MORN1: variants seen among roughly 807,000 people sequenced by gnomAD.
MORN1 encodes MORN repeat-containing protein 1.
MORN1 carries 67 observed loss-of-function variants against 61.9 expected under a neutral mutation model. The observed-to-expected ratio is 1.08, with a 90% CI of 0.89 to 1.33. The LOEUF (loss-of-function observed/expected upper bound fraction) is 1.33. Ranked by LOEUF, MORN1 falls within the 40% of genes most tolerant of loss-of-function variation. MORN1 has a pLI of 0.00. For missense variants in MORN1, 752 were observed against 691.2 expected, an observed-to-expected ratio of 1.09 and a Z score of -0.99; for synonymous variants, 301 against 292.0, an observed-to-expected ratio of 1.03 and a Z score of -0.31.
intron 4 of MORN1, chr1:2,386,241 G>A: frequency 3.3e-6 from 1 of 302,924 alleles, no homozygotes; most frequent in East Asian, 7.1e-5. Context: ...TGCTGCTGGG[G>A]TGAGGATGGG....
At chr1:2,331,907 G>T (rs1383066554) in intron 12 of MORN1, among the ~76,000 whole-genome samples, 1 of 115,756 alleles carries the variant, frequency 8.6e-6, no homozygotes, top group East Asian at 2.8e-4. Flanking sequence ...TCCCTCGTGC[G>T]CCTCTCCCGC....
chr1:2,350,068 A>T (rs1023176916), intron 10 of MORN1, among the ~76,000 whole-genome samples: 2 of 152,226 alleles, frequency 1.3e-5, no homozygotes, highest in Non-Finnish European at 2.9e-5. Flanking sequence ...TATTGGGCCC[A>T]GGCAGGCACC....
chr1:2,342,887 T>TTTTATTTTATTTTATTTTATTTTA (rs1557873836), intron 10 of MORN1, among the ~76,000 whole-genome samples: 146 of 113,212 alleles, frequency 1.3e-3, no homozygotes, highest in Admixed American at 2.0e-3. Context: ...TTTTATTTTA[T>TTTTATTTTATTTTATTTTATTTTA]TTTATTTTAT....
chr1:2,349,579 C>G (rs1178902663), intron 10 of MORN1, among the ~76,000 whole-genome samples: 1 of 152,180 alleles, frequency 6.6e-6, no homozygotes, highest in Admixed American at 6.5e-5. Flanking sequence ...ATTTATAGCA[C>G]AAACATTCCT....
chr1:2,323,799 C>T (rs977148715), intron 13 of MORN1: 89 of 985,222 alleles, frequency 9.0e-5, no homozygotes, highest in African/African-American at 1.0e-4. Flanking sequence ...CCAAGGCCTC[C>T]GAGTCCCCGT....
In MORN1 at chr1:2,372,033, A is replaced by G. The variant is rs1416330856; in HGVS notation, c.745+448T>C. 2 of 187,508 alleles carry G rather than the reference A, an allele frequency of 1.1e-5. No homozygotes were observed. The highest frequency in any genetic ancestry group is 2.3e-5 in the Non-Finnish European group (2 of 87,618). The allele number at this position is 187,508 out of a possible 1,614,324, so 11.6% of individuals were successfully genotyped here. On this transcript the variant is annotated intron_variant, in intron 8 of 13. Transcript: ENST00000378531. The surrounding 1 kb of genome is among the most constrained non-coding windows in gnomAD (Gnocchi z 5.4). ...AAACTTGTATACACATGTCCACAGC[A>G]GCACTATTCATAACAGCCCAAGGTA...
chr1:2,376,643 A>T (rs1344390677), intron 6 of MORN1: 1 of 152,114 alleles, frequency 6.6e-6, no homozygotes, highest in Non-Finnish European at 1.5e-5. Flanking sequence ...CGGCTCACGT[A>T]TGTGGCACGA....
chr1:2,322,938 G>C, intron 13 of MORN1: 2 of 985,416 alleles, frequency 2.0e-6, no homozygotes, highest in Non-Finnish European at 2.4e-6. Context: ...TCTAGCCCTG[G>C]GCCAGCTCTC....
At chr1:2,341,117 T>C (rs1641385668) in intron 10 of MORN1, among the ~76,000 whole-genome samples, 1 of 152,194 alleles carries the variant, frequency 6.6e-6, no homozygotes, top group Non-Finnish European at 1.5e-5. Flanking sequence ...TGGTGGCTCC[T>C]CCCGACGGAG....
At chr1:2,358,829 G>T in intron 8 of MORN1, 114 bp from the exon 9 acceptor site, 1 of 1,316,890 alleles carries the variant, frequency 7.6e-7, no homozygotes, top group Non-Finnish European at 1.0e-6. Flanking sequence ...GGCCACATTT[G>T]CCAGTGGCTG....
At chr1:2,378,688 T>C (rs1375198276) in intron 6 of MORN1, 2 of 341,414 alleles carry the variant, frequency 5.9e-6, no homozygotes, top group Non-Finnish European at 1.2e-5. Context: ...GACACTCTGA[T>C]GTGCACACAC....
At chr1:2,330,636 T>G (rs900620693) in intron 12 of MORN1, among the ~76,000 whole-genome samples, 2 of 152,164 alleles carry the variant, frequency 1.3e-5, no homozygotes, top group African/African-American at 4.8e-5. Context: ...ATCGCAGAAG[T>G]CTTAATTAAG....
Position 2,385,033 on chromosome 1 carries a change from C to T in MORN1, c.482G>A (p.Arg161Gln), listed in dbSNP as rs144538516. The T allele has an allele frequency of 2.3e-4, 372 of 1,599,228 alleles. 1 individual carries two copies. Among genetic ancestry groups the T allele is most frequent in the Non-Finnish European group, 1.3e-4 (158 of 1,174,490 alleles). ...CACCCCGTGTCCCTGACGCCGGTCC[C>T]GGACCCAGTCGCCGTCGTACTTGTC... ...NGDKYDGDWVRDRRQGHGVLR... is the reference protein window; with the variant it reads ...NGDKYDGDWVQDRRQGHGVLR... Residue 161 changes from arginine (R) to glutamine (Q), a missense_variant, in exon 6 of 14, where the codon CGG (arginine) becomes CAG (glutamine). Arg to Gln is a conservative substitution (Grantham distance 43, BLOSUM62 1). Transcript: ENST00000378531.
intron 10 of MORN1, among the ~76,000 whole-genome samples, chr1:2,342,231 G>A (rs1641410428): frequency 6.6e-6 from 1 of 152,174 alleles, no homozygotes; most frequent in African/African-American, 2.4e-5. Flanking sequence ...ATCTTTTTAC[G>A]GCGGACTCAA....
chr1:2,335,045 AG>A, intron 12 of MORN1, among the ~76,000 whole-genome samples: 1 of 152,212 alleles, frequency 6.6e-6, no homozygotes, highest in Non-Finnish European at 1.5e-5. Context: ...GCTGTTTTTT[AG>A]TCTCTGCTTC....
intron 10 of MORN1, among the ~76,000 whole-genome samples, chr1:2,345,829 C>CACACACACACACACA (rs1641501048): frequency 6.7e-6 from 1 of 148,988 alleles, no homozygotes; most frequent in African/African-American, 2.5e-5. Flanking sequence ...ATGTATGCGG[C>CACACACACACACACA]CACACACACA....
At chr1:2,355,222 C>T (rs940857435) in intron 10 of MORN1, 20 of 1,370,592 alleles carry the variant, frequency 1.5e-5, no homozygotes, top group Middle Eastern at 5.5e-4. Context: ...TCCACCTATG[C>T]GGTGTGGAAC....
intron 12 of MORN1, among the ~76,000 whole-genome samples, chr1:2,328,608 C>T (rs889761664): frequency 6.6e-6 from 1 of 152,224 alleles, no homozygotes; most frequent in Non-Finnish European, 1.5e-5. Flanking sequence ...TTTCTGCAGC[C>T]CCGGGAGCCC....
chr1:2,382,396 C>T (rs1011473610), intron 6 of MORN1, among the ~76,000 whole-genome samples: 1 of 152,196 alleles, frequency 6.6e-6, no homozygotes, highest in Non-Finnish European at 1.5e-5. Context: ...GGATCATGAG[C>T]CAATGCACCG....
Sources: allele counts gnomAD v4.1 joint callset (sites outside exome capture counted in the v4.1 genomes callset), GRCh38; gene constraint gnomAD v4.1.1; non-coding constraint Gnocchi (gnomAD v3.1); transcripts MANE v1.5; gene names NCBI Gene and HGNC (gene_info 2026-07-23, HGNC 2026-07-21).